The following DNAH11 variants were observed in gnomAD, a reference collection of about 807,000 sequenced individuals.
The protein encoded by DNAH11 is dynein axonemal heavy chain 11.
DNAH11 carries 442 observed loss-of-function variants against 526.0 expected under a neutral mutation model. The observed-to-expected ratio is 0.84, with a 90% CI of 0.78 to 0.91. DNAH11 has a LOEUF of 0.91. Among genes scored for constraint, DNAH11 ranks in the 40% least tolerant of loss-of-function variants. The pLI, the probability that DNAH11 is intolerant of heterozygous loss-of-function variation, is 0.00. For synonymous variants in DNAH11, 2,461 were observed against 1,935.9 expected, an observed-to-expected ratio of 1.27 and a Z score of -7.12; for missense variants, 6,989 against 5,448.7, an observed-to-expected ratio of 1.28 and a Z score of -8.90.
At chr7:21,713,142 C>T (rs544030935) in intron 42 of DNAH11, among the ~76,000 whole-genome samples, 2 of 152,330 alleles carry the variant, frequency 1.3e-5, no homozygotes, top group South Asian at 2.1e-4. Context: ...TAACTTGTCA[C>T]CTCCAGCGTT....
chr7:21,733,096 A>G (rs187698329), intron 45 of DNAH11, among the ~76,000 whole-genome samples: 1 of 152,214 alleles, frequency 6.6e-6, no homozygotes, highest in Non-Finnish European at 1.5e-5. Flanking sequence ...GCAAAGAAGA[A>G]GCAGGGAAGG....
chr7:21,580,927 G>A (rs954674939), intron 8 of DNAH11, among the ~76,000 whole-genome samples: 5 of 152,142 alleles, frequency 3.3e-5, no homozygotes, highest in African/African-American at 9.7e-5. Context: ...ATTTACCAGT[G>A]GTGTGATTTT....
At chr7:21,645,366 T>A (rs1787307642) in intron 28 of DNAH11, among the ~76,000 whole-genome samples, 3 of 152,168 alleles carry the variant, frequency 2.0e-5, no homozygotes, top group African/African-American at 7.2e-5. Flanking sequence ...TTTAACTGAA[T>A]CTGTTTAAAT....
chr7:21,619,106 T>A lies in DNAH11; in HGVS notation c.4261T>A (p.Phe1421Ile), dbSNP rs1378141705. 1 of 1,613,530 alleles carries A rather than the reference T, an allele frequency of 6.2e-7. No homozygotes were observed. Among genetic ancestry groups the A allele is most frequent in the East Asian group, 2.2e-5 (1 of 44,874 alleles). Residue 1421 changes from phenylalanine (F) to isoleucine (I), a missense_variant, in exon 24 of 82, where the codon TTT becomes ATT. Coordinates refer to ENST00000409508, the MANE Select transcript of DNAH11 (RefSeq NM_001277115.2). Reference sequence around the variant, plus strand: ...CTTTTTTTCCCCCAATCAGGTCAAGTTTTTAATAAATGAAGCCACAACTTT... The same window carrying A: ...CTTTTTTTCCCCCAATCAGGTCAAGATTTTAATAAATGAAGCCACAACTTT... ...HQLMKAIGVKFLINEATTLAD... is the reference protein window; with the variant it reads ...HQLMKAIGVKILINEATTLAD...
chr7:21,765,562 G>A lies in DNAH11; in HGVS notation c.9075G>A (p.Arg3025=), dbSNP rs1305558078. Residue 3025 remains arginine (R), a synonymous_variant, in exon 55 of 82, where the codon AGG becomes AGA. Coordinates refer to ENST00000409508, the MANE Select transcript of DNAH11 (RefSeq NM_001277115.2). The part of the protein sequence containing the change: ...PQEALVSVSR[R]FIEETKGIEP... ...AGGCTCTGGTCTCCGTCAGCAGGAG[G>A]TTCATTGAGGAAACCAAGGGAATTG... The A allele has an allele frequency of 3.3e-6, 5 of 1,514,422 alleles. No homozygotes were observed. The highest frequency in any genetic ancestry group is 3.6e-6 in the Non-Finnish European group (4 of 1,110,046). The allele number at this position is 1,514,422 out of a possible 1,614,324, so 93.8% of individuals were successfully genotyped here.
At chr7:21,613,937 T>TC (rs1202420077) in intron 20 of DNAH11, among the ~76,000 whole-genome samples, 1 of 150,372 alleles carries the variant, frequency 6.7e-6, no homozygotes, top group Non-Finnish European at 1.5e-5. Flanking sequence ...CCAGCTAATT[T>TC]TTTTTTTTTT....
At chr7:21,756,445 G>A (rs755157508) in intron 54 of DNAH11, among the ~76,000 whole-genome samples, 5 of 151,900 alleles carry the variant, frequency 3.3e-5, no homozygotes, top group African/African-American at 4.8e-5. Flanking sequence ...TAGCCCTATA[G>A]TATATTCTGG....
chr7:21,676,621 G>A (rs890525745), intron 30 of DNAH11, among the ~76,000 whole-genome samples: 2 of 152,168 alleles, frequency 1.3e-5, no homozygotes, highest in African/African-American at 4.8e-5. Context: ...TCTTCCATTT[G>A]ACTGCACTTC....
chr7:21,595,888 A>C (rs1784841746), intron 14 of DNAH11, among the ~76,000 whole-genome samples: 1 of 152,130 alleles, frequency 6.6e-6, no homozygotes, highest in Admixed American at 6.5e-5. Flanking sequence ...AGGGAGAAGA[A>C]GGACCAGCCA....
At position 21,820,350 on chromosome 7, in the gene DNAH11, T is replaced by C. The variant is rs371818729; in HGVS notation, c.10691+2011T>C. ...AGAACCGTTGGTGTGGTGATAGACG[T>C]ATACATGGCAAGGAGTTGTCAGTTC... On this transcript the variant is annotated intron_variant, in intron 65 of 81. Coordinates refer to ENST00000409508, the MANE Select transcript of DNAH11 (RefSeq NM_001277115.2). Among the ~76,000 whole-genome samples, 13 of 152,294 alleles carry C rather than the reference T, an allele frequency of 8.5e-5. No individual in the cohort carries two copies. The East Asian group carries it at 1.9e-3, about 23-fold the overall frequency.
chr7:21,650,209 G>A (rs1314645860), intron 28 of DNAH11, among the ~76,000 whole-genome samples: 6 of 151,998 alleles, frequency 3.9e-5, no homozygotes, highest in African/African-American at 9.7e-5. Flanking sequence ...ACTGATATAC[G>A]GATATGTTTA....
chr7:21,738,664 C>T, intron 46 of DNAH11, 37 bp from the exon 47 acceptor site: 2 of 1,512,398 alleles, frequency 1.3e-6, no homozygotes, highest in East Asian at 2.4e-5. Context: ...CATTTACATT[C>T]TGTTGATGGG....
chr7:21,665,169 C>T (rs187381187), intron 30 of DNAH11, among the ~76,000 whole-genome samples: 2 of 151,978 alleles, frequency 1.3e-5, no homozygotes, highest in Non-Finnish European at 2.9e-5. Flanking sequence ...TTGACCTCTC[C>T]CCCTTTCTAC....
intron 63 of DNAH11, among the ~76,000 whole-genome samples, chr7:21,813,346 A>G (rs1366269761): frequency 6.6e-6 from 1 of 152,336 alleles, no homozygotes; most frequent in Non-Finnish European, 1.5e-5. Flanking sequence ...TAGTTATTAC[A>G]AGCACTAATG....
At chr7:21,731,627 CA>C (rs1457489688) in intron 45 of DNAH11, among the ~76,000 whole-genome samples, 1 of 152,214 alleles carries the variant, frequency 6.6e-6, no homozygotes, top group Non-Finnish European at 1.5e-5. Context: ...AGTAGTCCCT[CA>C]CTTATCCATG....
At chr7:21,785,650 A>G (rs1307984265) in intron 58 of DNAH11, among the ~76,000 whole-genome samples, 1 of 151,944 alleles carries the variant, frequency 6.6e-6, no homozygotes. Context: ...CTGAATAATT[A>G]CTCTTTACTC....
At chr7:21,786,921 A>C (rs925673836) in intron 59 of DNAH11, among the ~76,000 whole-genome samples, 154 bp downstream of exon 59, 1 of 152,246 alleles carries the variant, frequency 6.6e-6, no homozygotes, top group South Asian at 2.1e-4. Flanking sequence ...CTAGACTTAC[A>C]GCTTTTGTTT....
intron 54 of DNAH11, among the ~76,000 whole-genome samples, chr7:21,764,617 C>G (rs1443018102): frequency 3.3e-5 from 5 of 152,186 alleles, no homozygotes; most frequent in African/African-American, 1.2e-4. Flanking sequence ...CACAGGGTGT[C>G]TCTGATGAAC....
Position 21,731,173 on chromosome 7 carries a change from G to A in DNAH11, c.7441-4467G>A, listed in dbSNP as rs542974324. Among the ~76,000 whole-genome samples, 328 of 151,908 alleles carry A rather than the reference G, an allele frequency of 2.2e-3. 2 individuals are homozygous for A. The highest frequency in any genetic ancestry group is 7.4e-3 in the African/African-American group (308 of 41,436). Reference sequence around the variant, plus strand: ...AAAAAAAACTATGTGAATTGTAAGCGTATGTTAATTTGCTGGATTTAGCCA... The same window carrying A: ...AAAAAAAACTATGTGAATTGTAAGCATATGTTAATTTGCTGGATTTAGCCA... On this transcript the variant is annotated intron_variant, in intron 45 of 81. Transcript: ENST00000409508.
Sources: allele counts gnomAD v4.1 joint callset (sites outside exome capture counted in the v4.1 genomes callset), GRCh38; gene constraint gnomAD v4.1.1; transcripts MANE v1.5; gene names NCBI Gene and HGNC (gene_info 2026-07-23, HGNC 2026-07-21).